ADGRL3: variants seen among roughly 807,000 people sequenced by gnomAD.
ADGRL3 encodes adhesion G protein-coupled receptor L3, also known as calcium-independent alpha-latrotoxin receptor 3.
A neutral mutation model predicts 153.5 loss-of-function variants in ADGRL3; 62 were observed. The observed-to-expected ratio is 0.40, with a 90% CI of 0.33 to 0.50. ADGRL3 has a LOEUF of 0.50. Among genes scored for constraint, ADGRL3 ranks in the 20% least tolerant of loss-of-function variants. The pLI, the probability that ADGRL3 is intolerant of heterozygous loss-of-function variation, is 0.47. For missense variants in ADGRL3, 1,641 were observed against 1,859.4 expected (o/e 0.88, Z 2.16); for synonymous variants, 710 against 672.5 (o/e 1.06, Z -0.86).
chr4:62,064,742 C>G lies in ADGRL3; in HGVS notation c.3815-3424C>G, dbSNP rs866447308. Among the ~76,000 whole-genome samples, 10 of 151,478 alleles carry G rather than the reference C, an allele frequency of 6.6e-5. No homozygotes were observed. In the South Asian group the frequency reaches 1.0e-3, roughly 16 times the overall value. ...ATGTGTGCAACTTAGTGAGAATGTG[C>G]CATTGCAGAAAAGGATATATTTGTT... On this transcript the variant is annotated intron_variant, in intron 25 of 26. Transcript: ENST00000683033.
chr4:62,073,256 A>G lies in ADGRL3; in HGVS notation c.*2348A>G, dbSNP rs1414164400. On this transcript the variant is annotated 3_prime_UTR_variant, in exon 27 of 27. Coordinates refer to ENST00000683033, the MANE Select transcript of ADGRL3 (RefSeq NM_001387552.1). ...TGAGCCAGAGTGCATCATAACCTTCACATCACCTCAAAATATTTTATGTCT... is the reference window on the plus strand; with the variant it reads ...TGAGCCAGAGTGCATCATAACCTTCGCATCACCTCAAAATATTTTATGTCT... 6.6e-6 allele frequency: 1 copy of G among 152,144 alleles called. No homozygotes were observed. Among genetic ancestry groups the G allele is most frequent in the Non-Finnish European group, 1.5e-5 (1 of 67,994 alleles). 9.4% of individuals were successfully genotyped at this position (152,144 alleles called of 1,614,324 possible).
Position 61,577,168 on chromosome 4 carries a change from ATG to A in ADGRL3, c.260-10046_260-10045del, listed in dbSNP as rs199928191. 2.0e-3 allele frequency among the ~76,000 whole-genome samples: 224 copies of A among 113,984 alleles called. 2 individuals are homozygous for A. In the East Asian group the frequency reaches 0.048, roughly 24 times the overall value. The allele number at this position is 113,984 out of a possible 152,430, so 74.8% of individuals were successfully genotyped here. On this transcript the variant is annotated intron_variant, in intron 4 of 26. Transcript: ENST00000683033. ...TGAATAATTGTGTGTGTGTGTGTGT[ATG>A]TGTGTGTGTGTGAGAGAGAGAGTGT...
At chr4:61,807,194 T>A (rs1039223381) in intron 8 of ADGRL3, among the ~76,000 whole-genome samples, 4 of 152,234 alleles carry the variant, frequency 2.6e-5, no homozygotes, top group South Asian at 2.1e-4. Flanking sequence ...TAGACCCACA[T>A]TACATATTGT....
intron 9 of ADGRL3, among the ~76,000 whole-genome samples, chr4:61,866,164 T>C (rs952308535): frequency 6.6e-6 from 1 of 152,166 alleles, no homozygotes; most frequent in African/African-American, 2.4e-5. Flanking sequence ...TTCACTTTTG[T>C]AGTGGAATTG....
chr4:61,773,120 A>G (rs2097105367), intron 8 of ADGRL3, among the ~76,000 whole-genome samples: 1 of 152,166 alleles, frequency 6.6e-6, no homozygotes, highest in African/African-American at 2.4e-5. Context: ...GTTACGGGGT[A>G]GAATAGGGAA....
At chr4:61,450,776 C>G (rs2097664117) in intron 2 of ADGRL3, among the ~76,000 whole-genome samples, 1 of 151,974 alleles carries the variant, frequency 6.6e-6, no homozygotes, top group Non-Finnish European at 1.5e-5. Flanking sequence ...ACATTTCGAA[C>G]ATCTATGAAC....
At chr4:61,988,052 T>C (rs2099091834) in intron 19 of ADGRL3, among the ~76,000 whole-genome samples, 1 of 152,102 alleles carries the variant, frequency 6.6e-6, no homozygotes. Context: ...GAGATAAATA[T>C]CATATTCCAT....
chr4:61,595,995 A>G (rs1373962435), intron 5 of ADGRL3, among the ~76,000 whole-genome samples: 2 of 152,112 alleles, frequency 1.3e-5, no homozygotes, highest in Non-Finnish European at 2.9e-5. Context: ...CAAAGTGCAC[A>G]AATACTCTCT....
At chr4:61,763,681 G>C (rs1216064680) in intron 8 of ADGRL3, among the ~76,000 whole-genome samples, 3 of 151,888 alleles carry the variant, frequency 2.0e-5, no homozygotes, top group Non-Finnish European at 4.4e-5. Context: ...TTTAAATTAT[G>C]TTCAGTAATG....
At chr4:61,792,844 C>T (rs2097360432) in intron 8 of ADGRL3, among the ~76,000 whole-genome samples, 1 of 152,054 alleles carries the variant, frequency 6.6e-6, no homozygotes, top group Admixed American at 6.6e-5. Context: ...CAACCTCTGC[C>T]TGTTAACCAG....
At chr4:61,324,384 C>A (rs2095425221) in intron 1 of ADGRL3, among the ~76,000 whole-genome samples, 1 of 151,654 alleles carries the variant, frequency 6.6e-6, no homozygotes, top group African/African-American at 2.4e-5. Context: ...GATTAATAAG[C>A]ATGTTAAAAA....
At chr4:61,373,573 CAA>C (rs1364666521) in intron 1 of ADGRL3, among the ~76,000 whole-genome samples, 1 of 152,014 alleles carries the variant, frequency 6.6e-6, no homozygotes, top group African/African-American at 2.4e-5. Context: ...CATTTAATAA[CAA>C]TGGAAATTAA....
chr4:61,384,472 T>G (rs1324480279), intron 2 of ADGRL3, among the ~76,000 whole-genome samples: 2 of 151,062 alleles, frequency 1.3e-5, no homozygotes, highest in African/African-American at 4.8e-5. Flanking sequence ...AATAGATATA[T>G]GTATAAATAA....
chr4:61,637,138 T>C (rs569448052), intron 5 of ADGRL3, among the ~76,000 whole-genome samples: 15 of 152,250 alleles, frequency 9.9e-5, no homozygotes, highest in Admixed American at 4.6e-4. Context: ...CCTCAGTACC[T>C]CAGAACATGA....
rs1355371472 is a variant in ADGRL3, at chr4:62,073,112, G to A, written c.*2204G>A. ...TCTCCTGTAGTGTGTTTTATCTCGGGGTTTCCTTTTTCAAAAATCTAAACA... is the reference window on the plus strand; with the variant it reads ...TCTCCTGTAGTGTGTTTTATCTCGGAGTTTCCTTTTTCAAAAATCTAAACA... On this transcript the variant is annotated 3_prime_UTR_variant, in exon 27 of 27. Coordinates refer to ENST00000683033, the MANE Select transcript of ADGRL3 (RefSeq NM_001387552.1). 2 of 151,590 alleles carry A rather than the reference G, an allele frequency of 1.3e-5. No individual in the cohort carries two copies. Among genetic ancestry groups the A allele is most frequent in the Admixed American group, 6.6e-5 (1 of 15,208 alleles). The allele number at this position is 151,590 out of a possible 1,614,324, so 9.4% of individuals were successfully genotyped here.
intron 10 of ADGRL3, among the ~76,000 whole-genome samples, chr4:61,894,274 G>C (rs1454211213): frequency 6.6e-6 from 1 of 152,100 alleles, no homozygotes; most frequent in Non-Finnish European, 1.5e-5. Context: ...GTTTTTCTTA[G>C]AAAGTTCTGA....
intron 5 of ADGRL3, among the ~76,000 whole-genome samples, chr4:61,663,644 C>A (rs2094685768): frequency 1.3e-5 from 2 of 152,168 alleles, no homozygotes; most frequent in Non-Finnish European, 2.9e-5. Flanking sequence ...AAAACTCAGG[C>A]AAACATGCCA....
At chr4:61,506,996 A>T (rs568910229) in intron 3 of ADGRL3, among the ~76,000 whole-genome samples, 1 of 152,294 alleles carries the variant, frequency 6.6e-6, no homozygotes, top group East Asian at 1.9e-4. Context: ...CTCATTACTG[A>T]TTCTCTCCAA....
At chr4:61,829,576 G>GA (rs35051919) in intron 9 of ADGRL3, among the ~76,000 whole-genome samples, 3 of 151,414 alleles carry the variant, frequency 2.0e-5, no homozygotes, top group African/African-American at 4.9e-5. Flanking sequence ...ATGCTTTTTG[G>GA]AAAAAAAATA....
Sources: gnomAD v4.1 joint callset for allele counts (sites outside exome capture counted in the v4.1 genomes callset) on GRCh38, gnomAD v4.1.1 for gene constraint, MANE v1.5 for transcripts, NCBI Gene and HGNC (gene_info 2026-07-23, HGNC 2026-07-21) for gene names.